The following IL17RD variants were observed in gnomAD, a reference collection of about 807,000 sequenced individuals.
IL17RD encodes the protein interleukin 17 receptor D.
A neutral mutation model predicts 80.5 loss-of-function variants in IL17RD; 52 were observed. That is an observed-to-expected ratio of 0.65 (90% CI 0.52 to 0.81). The LOEUF (loss-of-function observed/expected upper bound fraction) is 0.81. IL17RD is among the 40% of genes least tolerant of loss of function. The pLI is 0.00. For synonymous variants in IL17RD, 416 were observed against 391.8 expected (o/e 1.06, Z -0.73); for missense variants, 1,024 against 955.1 (o/e 1.07, Z -0.95).
At chr3:57,170,219 G>C (rs2060363370), upstream of IL17RD, 1 of 152,270 alleles carries the variant, frequency 6.6e-6, no homozygotes, top group South Asian at 2.1e-4. Context: ...CCATAGTTCT[G>C]GAGCGGTGCG....
At chr3:57,165,008 C>G (rs1015333005) in intron 1 of IL17RD, 153 bp downstream of exon 1, 1 of 1,341,050 alleles carries the variant, frequency 7.5e-7, no homozygotes, top group Non-Finnish European at 9.5e-7. Flanking sequence ...GGAGGGAAAC[C>G]AGGAGGATGC....
chr3:57,119,435 ATGAGAATCGCT>A (rs1335776185), intron 2 of IL17RD, among the ~76,000 whole-genome samples: 1 of 152,182 alleles, frequency 6.6e-6, no homozygotes, highest in Admixed American at 6.5e-5. Context: ...AGGCTGAGGC[ATGAGAATCGCT>A]TGAACCCAGG....
At chr3:57,122,140 G>A (rs944153650) in intron 1 of IL17RD, among the ~76,000 whole-genome samples, 3 of 152,172 alleles carry the variant, frequency 2.0e-5, no homozygotes, top group Non-Finnish European at 1.5e-5. Context: ...GCATAAGTAA[G>A]TACAGTGTAT....
At chr3:57,144,744 G>A (rs1158557152) in intron 1 of IL17RD, among the ~76,000 whole-genome samples, 1 of 152,136 alleles carries the variant, frequency 6.6e-6, no homozygotes. Flanking sequence ...GGACTGAGAG[G>A]GAAACCCACA....
chr3:57,165,730 C>T (rs2107552004), upstream of IL17RD, among the ~76,000 whole-genome samples: 1 of 152,236 alleles, frequency 6.6e-6, no homozygotes, highest in East Asian at 1.9e-4. Flanking sequence ...CCCAACCACA[C>T]AAGGAAGTGT....
intron 2 of IL17RD, among the ~76,000 whole-genome samples, chr3:57,116,890 T>TAAAAAAA (rs35526728): frequency 7.3e-6 from 1 of 136,388 alleles, no homozygotes. Flanking sequence ...CCCAAAATAT[T>TAAAAAAA]AAAAAAAAAA....
intron 1 of IL17RD, among the ~76,000 whole-genome samples, chr3:57,156,661 TA>T (rs1264909730): frequency 4.1e-4 from 63 of 152,274 alleles, no homozygotes; most frequent in Non-Finnish European, 2.4e-4. Flanking sequence ...GTGTCCCTCT[TA>T]TCAAACCGTT....
chr3:57,122,432 G>A (rs1398130253), intron 1 of IL17RD, among the ~76,000 whole-genome samples: 1 of 152,218 alleles, frequency 6.6e-6, no homozygotes, highest in African/African-American at 2.4e-5. Context: ...GCCAGGCCGC[G>A]CAGCAGGTGG....
Position 57,103,092 on chromosome 3 carries a change from T to C in IL17RD, c.867A>G (p.Pro289=). The change falls in exon 9 of 13, where the codon CCA becomes CCG. Residue 289 remains proline, a splice_region_variant and synonymous_variant. Coordinates refer to ENST00000296318, the MANE Select transcript of IL17RD (RefSeq NM_017563.5). ...AATTTCAAACAAAAAAGCACCTACC[T>C]GGCTTTAAGGCATAATGCATCACTT... ...TRKVMHYALK[P]VHSPWAGPIR... 6.3e-7 allele frequency: 1 copy of C among 1,596,350 alleles called. No individual in the cohort carries two copies. Among genetic ancestry groups the C allele is most frequent in the Non-Finnish European group, 8.5e-7 (1 of 1,170,098 alleles).
chr3:57,152,763 T>G (rs2060236529), intron 1 of IL17RD, among the ~76,000 whole-genome samples: 2 of 152,220 alleles, frequency 1.3e-5, no homozygotes, highest in South Asian at 4.1e-4. Context: ...TGTAACGGAC[T>G]CTAATAAAAT....
chr3:57,105,026 C>G (rs1706922016), intron 7 of IL17RD, among the ~76,000 whole-genome samples: 1 of 152,156 alleles, frequency 6.6e-6, no homozygotes, highest in Non-Finnish European at 1.5e-5. Context: ...TTTGTAAAAT[C>G]AGTAGCCACT....
chr3:57,132,852 C>T (rs971612837), intron 1 of IL17RD, among the ~76,000 whole-genome samples: 4 of 152,078 alleles, frequency 2.6e-5, no homozygotes, highest in African/African-American at 9.7e-5. Flanking sequence ...GGAAAATACT[C>T]ATAGTGTCCA....
At chr3:57,120,383 G>A (rs1707308240) in intron 1 of IL17RD, 70 bp from the exon 2 acceptor site, 3 of 1,110,340 alleles carry the variant, frequency 2.7e-6, no homozygotes, top group Non-Finnish European at 4.1e-6. Context: ...GCCCCATGGA[G>A]TCCAAATGCA....
intron 1 of IL17RD, among the ~76,000 whole-genome samples, chr3:57,129,274 G>A (rs939117513): frequency 6.6e-6 from 1 of 152,260 alleles, no homozygotes; most frequent in South Asian, 2.1e-4. Context: ...TCACTTAGCC[G>A]TGAAAGGAAC....
At chr3:57,127,333 T>TAA (rs1337880715) in intron 1 of IL17RD, among the ~76,000 whole-genome samples, 1,864 of 108,296 alleles carry the variant, frequency 0.017, 197 homozygotes, top group East Asian at 0.061. Context: ...TATAAATATA[T>TAA]ATAAAAATAT....
At position 57,101,359 on chromosome 3, in the gene IL17RD, A is replaced by G. The variant is rs1579258900; in HGVS notation, c.984T>C (p.Asn328=). Reference sequence around the variant, plus strand: ...TCTCTTCATCTAAATGTGAATATATATTTTCTAAATTGGAAAAGAAGATAA... The same window carrying G: ...TCTCTTCATCTAAATGTGAATATATGTTTTCTAAATTGGAAAAGAAGATAA... ...TVMCRKKQQE[N]IYSHLDEESS... Residue 328 remains asparagine, a synonymous_variant, in exon 11 of 13, where the codon AAT becomes AAC. Transcript: ENST00000296318. 3.8e-6 allele frequency: 6 copies of G among 1,583,460 alleles called. No homozygotes were observed. Among genetic ancestry groups the G allele is most frequent in the Non-Finnish European group, 5.2e-6 (6 of 1,159,678 alleles).
chr3:57,146,045 G>GCGCGCACA (rs766646872), intron 1 of IL17RD, among the ~76,000 whole-genome samples: 19,950 of 150,984 alleles, frequency 0.13, 1,749 homozygotes, highest in East Asian at 0.31. Context: ...GCGCGCGCGC[G>GCGCGCACA]CACACACACA....
Position 57,103,165 on chromosome 3 carries a change from G to A in IL17RD, c.814-20C>T. 2 of 1,586,784 alleles carry A rather than the reference G, an allele frequency of 1.3e-6. No individual in the cohort carries two copies. Among genetic ancestry groups the A allele is most frequent in the Non-Finnish European group, 1.7e-6 (2 of 1,164,998 alleles). On this transcript the variant is annotated intron_variant, in intron 8 of 12. Coordinates refer to ENST00000296318, the MANE Select transcript of IL17RD (RefSeq NM_017563.5). Reference sequence around the variant, plus strand: ...CACCAGCTGCAAAACAGAGGATGCTGCATTATTTTTTTTTAAAGTGATATA... The same window carrying A: ...CACCAGCTGCAAAACAGAGGATGCTACATTATTTTTTTTTAAAGTGATATA...
intron 1 of IL17RD, among the ~76,000 whole-genome samples, chr3:57,125,452 T>C (rs1707439354): frequency 6.6e-6 from 1 of 152,144 alleles, no homozygotes; most frequent in Admixed American, 6.5e-5. Flanking sequence ...GTGGAAAGCA[T>C]TGTGTGAGAT....
Sources: gnomAD v4.1 joint callset for allele counts (sites outside exome capture counted in the v4.1 genomes callset) on GRCh38, gnomAD v4.1.1 for gene constraint, MANE v1.5 for transcripts, NCBI Gene and HGNC (gene_info 2026-07-23, HGNC 2026-07-21) for gene names.